The following EHMT1 variants were observed in gnomAD, a reference collection of about 807,000 sequenced individuals.
EHMT1 encodes the protein euchromatic histone lysine methyltransferase 1, also known as histone-lysine N-methyltransferase EHMT1.
EHMT1 carries 15 observed loss-of-function variants against 147.2 expected under a neutral mutation model. The ratio of observed to expected loss-of-function variants is 0.10; its 90% CI spans 0.07 to 0.16. The LOEUF is 0.16. Among genes scored for constraint, EHMT1 ranks in the 10% least tolerant of loss-of-function variants. The pLI is 1.00. For missense variants in EHMT1, 1,587 were observed against 1,772.4 expected (o/e 0.90, Z 1.88); for synonymous variants, 795 against 709.6 (o/e 1.12, Z -1.91).
intron 19 of EHMT1, 86 bp downstream of exon 19, chr9:137,811,701 C>T: frequency 6.4e-7 from 1 of 1,569,378 alleles, no homozygotes; most frequent in Non-Finnish European, 8.6e-7. Flanking sequence ...TGTGTTCACA[C>T]TTGGGGCGTG....
intron 1 of EHMT1, among the ~76,000 whole-genome samples, chr9:137,640,684 G>A (rs567022837): frequency 2.6e-5 from 4 of 152,316 alleles, no homozygotes; most frequent in Non-Finnish European, 4.4e-5. Context: ...GGGGCCTGGC[G>A]CCCTTTAGCT....
chr9:137,759,641 T>C (rs889614026), intron 9 of EHMT1, among the ~76,000 whole-genome samples: 4 of 152,200 alleles, frequency 2.6e-5, no homozygotes, highest in African/African-American at 9.6e-5. Flanking sequence ...CTCCCAGAAT[T>C]GATTTCCCTG....
At chr9:137,713,584 T>G (rs1424580289) in intron 2 of EHMT1, among the ~76,000 whole-genome samples, 2 of 151,852 alleles carry the variant, frequency 1.3e-5, no homozygotes, top group African/African-American at 4.8e-5. Context: ...AAGTATTATA[T>G]TTTTTGATGC....
chr9:137,823,919 C>T (rs1316233517), intron 25 of EHMT1, among the ~76,000 whole-genome samples: 1 of 152,204 alleles, frequency 6.6e-6, no homozygotes, highest in Non-Finnish European at 1.5e-5. Flanking sequence ...TTTCCATCTT[C>T]TGACTCTGAT....
At chr9:137,656,938 A>T (rs866037877) in intron 1 of EHMT1, among the ~76,000 whole-genome samples, 54 of 151,640 alleles carry the variant, frequency 3.6e-4, no homozygotes, top group South Asian at 6.3e-4. Flanking sequence ...ACAGGGTTTC[A>T]CCATTTTGGC....
At chr9:137,641,605 C>G (rs1474829903) in intron 1 of EHMT1, 1 of 266,014 alleles carries the variant, frequency 3.8e-6, no homozygotes, top group Non-Finnish European at 7.3e-6. Context: ...TTGCCGCTCA[C>G]TTGCTAAGCC....
chr9:137,809,410 C>A (rs959874043), intron 18 of EHMT1, among the ~76,000 whole-genome samples: 1 of 152,210 alleles, frequency 6.6e-6, no homozygotes, highest in Non-Finnish European at 1.5e-5. Context: ...GATGTGGCGG[C>A]GGCCCTGCGC....
intron 1 of EHMT1, among the ~76,000 whole-genome samples, chr9:137,661,595 C>T (rs1479551825): frequency 6.6e-6 from 1 of 150,630 alleles, no homozygotes; most frequent in Non-Finnish European, 1.5e-5. Context: ...CAGCAATTCT[C>T]CTGCCTCAGC....
At chr9:137,735,594 G>A (rs780589822) in intron 4 of EHMT1, among the ~76,000 whole-genome samples, 5 of 152,176 alleles carry the variant, frequency 3.3e-5, no homozygotes, top group African/African-American at 4.8e-5. Context: ...ATCAAAAGAC[G>A]AAGATTGGCA....
chr9:137,701,625 ATTTTTTT>A (rs139537570), intron 1 of EHMT1, among the ~76,000 whole-genome samples: 1 of 115,660 alleles, frequency 8.6e-6, no homozygotes, highest in Non-Finnish European at 1.8e-5. Context: ...TGCCTGGCTA[ATTTTTTT>A]TTTTTTTTTT....
chr9:137,811,372 G>T, intron 18 of EHMT1, 89 bp from the exon 19 acceptor site: 1 of 1,585,210 alleles, frequency 6.3e-7, no homozygotes, highest in Non-Finnish European at 8.6e-7. Flanking sequence ...GCCTCTCCCC[G>T]GGCACATGGG....
chr9:137,720,946 A>C (rs975960651), intron 3 of EHMT1, among the ~76,000 whole-genome samples: 1 of 152,072 alleles, frequency 6.6e-6, no homozygotes, highest in Non-Finnish European at 1.5e-5. Flanking sequence ...CACACTCCAG[A>C]GTGGCTGCAG....
At chr9:137,810,155 G>T (rs1198758234) in intron 18 of EHMT1, among the ~76,000 whole-genome samples, 2 of 148,364 alleles carry the variant, frequency 1.3e-5, no homozygotes, top group Admixed American at 1.3e-4. Context: ...CTCGTGGACT[G>T]TGGGTGATGG....
At chr9:137,771,588 T>C (rs1467696188) in intron 10 of EHMT1, among the ~76,000 whole-genome samples, 23 of 152,196 alleles carry the variant, frequency 1.5e-4, no homozygotes, top group Admixed American at 1.5e-3. Context: ...CTGGTTGGCT[T>C]CAGCTTCTTT....
intron 19 of EHMT1, 104 bp from the exon 20 acceptor site, chr9:137,812,902 T>C: frequency 6.8e-7 from 1 of 1,471,298 alleles, no homozygotes. Context: ...CAGTGAATAG[T>C]GTTCCCTTTA....
At chr9:137,640,894 CCT>C (rs1844437299) in intron 1 of EHMT1, 1 of 156,068 alleles carries the variant, frequency 6.4e-6, no homozygotes, top group Non-Finnish European at 1.4e-5. Context: ...ACAAAAGAGA[CCT>C]CAAGAACTGG....
chr9:137,755,057 C>T (rs1431426882), intron 8 of EHMT1, among the ~76,000 whole-genome samples: 2 of 152,180 alleles, frequency 1.3e-5, no homozygotes, highest in South Asian at 2.1e-4. Flanking sequence ...TGCCAAGGGC[C>T]GTTTTTGTTT....
intron 1 of EHMT1, among the ~76,000 whole-genome samples, chr9:137,633,928 C>T (rs1204167083): frequency 6.6e-6 from 1 of 151,984 alleles, no homozygotes; most frequent in East Asian, 1.9e-4. Flanking sequence ...ATTCCCCTGC[C>T]TCAGCCTCCT....
chr9:137,752,652 G>T (rs1949062541), intron 7 of EHMT1, among the ~76,000 whole-genome samples: 1 of 152,242 alleles, frequency 6.6e-6, no homozygotes, highest in African/African-American at 2.4e-5. Flanking sequence ...CGTGCTGGGT[G>T]GGGTGGAGTT....
Sources: allele counts gnomAD v4.1 joint callset (sites outside exome capture counted in the v4.1 genomes callset), GRCh38; gene constraint gnomAD v4.1.1; transcripts MANE v1.5; gene names NCBI Gene and HGNC (gene_info 2026-07-23, HGNC 2026-07-21).